Variants in KCNG1 observed in about 807,000 individuals in gnomAD.
The protein encoded by KCNG1 is voltage-gated potassium channel regulatory subunit KCNG1.
Under a neutral mutation model 32.4 loss-of-function variants are expected in KCNG1, and 17 were observed. The ratio of observed to expected loss-of-function variants is 0.52; its 90% CI spans 0.36 to 0.79. The LOEUF is 0.79. Among genes scored for constraint, KCNG1 ranks in the 30% least tolerant of loss-of-function variants. KCNG1 has a pLI of 0.00. For missense variants in KCNG1, 441 were observed against 735.2 expected (o/e 0.60, Z 4.63); for synonymous variants, 358 against 339.9 (o/e 1.05, Z -0.59).
chr20:51,021,743 T>C (rs1323039203), intron 1 of KCNG1, among the ~76,000 whole-genome samples: 1 of 152,164 alleles, frequency 6.6e-6, no homozygotes, highest in African/African-American at 2.4e-5. Flanking sequence ...AAGTGCTTAA[T>C]AACAGCGAGT....
chr20:51,007,729 C>T (rs573942107), intron 2 of KCNG1, among the ~76,000 whole-genome samples: 3 of 151,722 alleles, frequency 2.0e-5, no homozygotes, highest in East Asian at 3.9e-4. Flanking sequence ...GAGCCAAGAT[C>T]GCACCACTGT....
rs1235234329 is a variant in KCNG1, at chr20:51,022,900, G to C, written c.-57C>G. On this transcript the variant is annotated 5_prime_UTR_variant, in exon 1 of 3. Coordinates refer to ENST00000371571, the MANE Select transcript of KCNG1 (RefSeq NM_002237.4). ...GTTCCCGTCGCGGCGTCCCCGCCTCGGAGTTGGCCCGGCCGCGGCTTCCGT... is the reference window on the plus strand; with the variant it reads ...GTTCCCGTCGCGGCGTCCCCGCCTCCGAGTTGGCCCGGCCGCGGCTTCCGT... 1 of 152,232 alleles carries C rather than the reference G, an allele frequency of 6.6e-6. No homozygotes were observed. Among genetic ancestry groups the C allele is most frequent in the East Asian group, 1.9e-4 (1 of 5,178 alleles). 9.4% of individuals were successfully genotyped at this position (152,232 alleles called of 1,614,324 possible).
chr20:51,013,136 T>TA (rs892652587), intron 1 of KCNG1, among the ~76,000 whole-genome samples: 20 of 152,140 alleles, frequency 1.3e-4, no homozygotes, highest in African/African-American at 4.8e-4. Context: ...ACCCCATCTC[T>TA]ACTAAAAATA....
intron 1 of KCNG1, chr20:51,014,142 G>A (rs1988193573): frequency 1.3e-5 from 2 of 152,194 alleles, no homozygotes; most frequent in Admixed American, 1.3e-4. Flanking sequence ...TACTCGGAGG[G>A]TAATAAACAG....
intron 1 of KCNG1, chr20:51,014,082 T>TG (rs1272055569): frequency 6.6e-6 from 1 of 152,188 alleles, no homozygotes; most frequent in African/African-American, 2.4e-5. Flanking sequence ...GTTTCCTGTG[T>TG]GGAAAGTGAT....
Position 51,004,795 on chromosome 20 carries a change from G to C in KCNG1, c.786C>G (p.Ser262=). ...LREEEEQGHC[S]QMCHNVFIVE... is the part of the protein sequence containing the mutation. The stretch of plus-strand genomic sequence containing the variant: ...CGATGAAGACGTTGTGGCACATCTG[G>C]GAACAGTGGCCCTGGGAGAGAGGGG... The change falls in exon 3 of 3, where the codon TCC becomes TCG. Residue 262 remains serine (S), a synonymous_variant. Transcript: ENST00000371571. This position sits in a 1 kb window ranked among gnomAD's most constrained non-coding sequence, Gnocchi z 4.3. The C allele has an allele frequency of 6.4e-7, 1 of 1,567,396 alleles. No homozygotes were observed. Among genetic ancestry groups the C allele is most frequent in the South Asian group, 1.2e-5 (1 of 84,322 alleles).
At chr20:51,020,991 C>T (rs1451754425) in intron 1 of KCNG1, among the ~76,000 whole-genome samples, 1 of 152,214 alleles carries the variant, frequency 6.6e-6, no homozygotes, top group Non-Finnish European at 1.5e-5. Flanking sequence ...GTAACCTCTG[C>T]CTCCCATGTC....
At chr20:51,008,615 G>A (rs1987932012) in intron 2 of KCNG1, among the ~76,000 whole-genome samples, 1 of 151,100 alleles carries the variant, frequency 6.6e-6, no homozygotes, top group Non-Finnish European at 1.5e-5. Context: ...TTATAGGTGT[G>A]AGCCACCACA....
chr20:51,012,730 TC>T (rs1988139026), intron 1 of KCNG1, among the ~76,000 whole-genome samples: 1 of 152,188 alleles, frequency 6.6e-6, no homozygotes, highest in Non-Finnish European at 1.5e-5. Flanking sequence ...AAAATCCATA[TC>T]CTTGGCTTCT....
At chr20:51,013,175 G>A in intron 1 of KCNG1, among the ~76,000 whole-genome samples, 1 of 152,110 alleles carries the variant, frequency 6.6e-6, no homozygotes, top group East Asian at 1.9e-4. Context: ...GGTGGCACAT[G>A]CCTGAAATCC....
intron 1 of KCNG1, among the ~76,000 whole-genome samples, chr20:51,019,143 T>C (rs760153478): frequency 1.6e-4 from 24 of 152,136 alleles, no homozygotes; most frequent in Non-Finnish European, 2.6e-4. Context: ...GGTGGAGTCG[T>C]CTCCAGAAGC....
intron 2 of KCNG1, among the ~76,000 whole-genome samples, chr20:51,008,415 T>C (rs1987922447): frequency 6.6e-6 from 1 of 152,098 alleles, no homozygotes; most frequent in Non-Finnish European, 1.5e-5. Context: ...ACTGCAGCCT[T>C]ACCTCCCAGG....
chr20:51,005,069 G>C lies in KCNG1; in HGVS notation c.775-263C>G, dbSNP rs1987775907. ...ACCCCCAACAGGCTGCCTCCCTGAC[G>C]CTCCCACCTGGGTGTCTGAGGGGCA... On this transcript the variant is annotated intron_variant, in intron 2 of 2. Coordinates refer to ENST00000371571, the MANE Select transcript of KCNG1 (RefSeq NM_002237.4). The surrounding 1 kb of genome is among the most constrained non-coding windows in gnomAD (Gnocchi z 4.0). 5.3e-6 allele frequency: 2 copies of C among 375,738 alleles called. No homozygotes were observed. The highest frequency in any genetic ancestry group is 9.4e-6 in the Non-Finnish European group (2 of 211,668). 23.3% of individuals were successfully genotyped at this position (375,738 alleles called of 1,614,324 possible). A position where few individuals can be genotyped will look rare whatever the true frequency, so the allele number is the denominator to read the frequency against.
At chr20:51,016,766 C>T (rs558606700) in intron 1 of KCNG1, among the ~76,000 whole-genome samples, 1 of 152,346 alleles carries the variant, frequency 6.6e-6, no homozygotes, top group African/African-American at 2.4e-5. Context: ...TTGGAATTCT[C>T]ACAAGCTACG....
chr20:51,019,897 G>A (rs754864195), intron 1 of KCNG1, among the ~76,000 whole-genome samples: 13 of 152,104 alleles, frequency 8.5e-5, no homozygotes, highest in Admixed American at 2.0e-4. Context: ...AGCCTGGCCC[G>A]GGTCCTGGCA....
At chr20:51,019,435 C>T (rs1416711314) in intron 1 of KCNG1, among the ~76,000 whole-genome samples, 1 of 151,908 alleles carries the variant, frequency 6.6e-6, no homozygotes, top group Non-Finnish European at 1.5e-5. Flanking sequence ...CACTTGAGCC[C>T]AGGAGGTCAA....
intron 2 of KCNG1, among the ~76,000 whole-genome samples, chr20:51,008,975 G>T (rs1351979585): frequency 6.6e-6 from 1 of 152,188 alleles, no homozygotes; most frequent in Non-Finnish European, 1.5e-5. Flanking sequence ...CCAGATGAGT[G>T]GGAGCCCTTA....
Position 51,004,042 on chromosome 20 carries a change from GTTA to G in KCNG1, c.1536_1538del (p.Asn513del). On this transcript the variant is annotated inframe_deletion, in exon 3 of 3. Coordinates refer to ENST00000371571, the MANE Select transcript of KCNG1 (RefSeq NM_002237.4). This position sits in a 1 kb window ranked among gnomAD's most constrained non-coding sequence, Gnocchi z 4.3. ...AGGGCAGGCGTGTCCTCCGCGCTCAGTTATTGTCTCTGGTGTCCGAGGAGGCAC... is the reference window on the plus strand; with the variant it reads ...AGGGCAGGCGTGTCCTCCGCGCTCAGTTGTCTCTGGTGTCCGAGGAGGCAC... The G allele has an allele frequency of 6.2e-7, 1 of 1,613,962 alleles. No homozygotes were observed. The highest frequency in any genetic ancestry group is 8.5e-7 in the Non-Finnish European group (1 of 1,179,872).
rs989021011 is a variant in KCNG1 at position 51,003,920 on chromosome 20, G to A, written c.*119C>T. 5.3e-6 allele frequency: 6 copies of A among 1,127,526 alleles called. No homozygotes were observed. The highest frequency in any genetic ancestry group is 1.5e-5 in the African/African-American group (1 of 64,668). The allele number at this position is 1,127,526 out of a possible 1,614,324, so 69.8% of individuals were successfully genotyped here. A position where few individuals can be genotyped will look rare whatever the true frequency, so the allele number is the denominator to read the frequency against. On this transcript the variant is annotated 3_prime_UTR_variant, in exon 3 of 3. Coordinates refer to ENST00000371571, the MANE Select transcript of KCNG1 (RefSeq NM_002237.4). ...GAGGGTGTCCTTCCCCGGGTGCGTG[G>A]GAGTCGGTGCTGCGCCAGGACTGCA...
Sources: allele counts gnomAD v4.1 joint callset (sites outside exome capture counted in the v4.1 genomes callset), GRCh38; gene constraint gnomAD v4.1.1; non-coding constraint Gnocchi (gnomAD v3.1); transcripts MANE v1.5; gene names NCBI Gene and HGNC (gene_info 2026-07-23, HGNC 2026-07-21).